The following IL27RA variants were observed in gnomAD, a reference collection of about 807,000 sequenced individuals.
IL27RA encodes interleukin 27 receptor subunit alpha, also known as interleukin-27 receptor subunit alpha.
In IL27RA, 61 loss-of-function variants were observed where a neutral mutation model predicts 80.8. The observed-to-expected ratio is 0.76, with a 90% CI of 0.61 to 0.93. The LOEUF (loss-of-function observed/expected upper bound fraction) is 0.93, where lower values mean the gene tolerates loss of function less well. Ranked by LOEUF, IL27RA falls within the 40% of genes least tolerant of loss-of-function variation. The pLI is 0.00. For missense variants in IL27RA, 735 were observed against 808.1 expected (o/e 0.91, Z 1.10); for synonymous variants, 316 against 332.5 (o/e 0.95, Z 0.54).
At chr19:14,039,240 T>C (rs542839443) in intron 2 of IL27RA, among the ~76,000 whole-genome samples, 1 of 148,420 alleles carries the variant, frequency 6.7e-6, no homozygotes, top group Admixed American at 6.7e-5. Context: ...TAAGCCAAGA[T>C]CACGACATTA....
chr19:14,051,240 C>A (rs1429603647), intron 11 of IL27RA, among the ~76,000 whole-genome samples: 1 of 150,078 alleles, frequency 6.7e-6, no homozygotes, highest in Non-Finnish European at 1.5e-5. Context: ...AAAGCAAGAC[C>A]CTGTCTTTAA....
chr19:14,037,563 C>A (rs757539187), intron 2 of IL27RA, among the ~76,000 whole-genome samples: 1 of 151,462 alleles, frequency 6.6e-6, no homozygotes, highest in Non-Finnish European at 1.5e-5. Context: ...CCCCTTCTTA[C>A]TATTTGTTAA....
chr19:14,039,506 A>G lies in IL27RA; in HGVS notation c.219-2A>G, dbSNP rs1568500218. ...ATCTCATCCCCGCCTCTCTCCTCAC[A>G]GCCGTTCCAACAAAACCCAGACTGT... On this transcript the variant is annotated splice_acceptor_variant, in intron 2 of 13. Transcript: ENST00000263379. LOFTEE classifies it high-confidence loss of function. 1 of 1,611,300 alleles carries G rather than the reference A, an allele frequency of 6.2e-7. No individual in the cohort carries two copies. Among genetic ancestry groups the G allele is most frequent in the Non-Finnish European group, 8.5e-7 (1 of 1,178,376 alleles).
intron 8 of IL27RA, among the ~76,000 whole-genome samples, chr19:14,048,313 G>C (rs1976102206): frequency 6.6e-6 from 1 of 151,940 alleles, no homozygotes. Context: ...AATGAACTTG[G>C]AAGAACTGTG....
Position 14,042,759 on chromosome 19 carries a change from T to C in IL27RA, c.738T>C (p.Pro246=). ...VWVSGNLCGT[P]GGEEPLLLWK... is the part of the protein sequence containing the mutation. ...TATCAGGGAACCTCTGTGGGACGCC[T>C]GGAGGAGAGGAACCTTTGCTTCTAT... The change falls in exon 6 of 14, where the codon CCT becomes CCC. Residue 246 remains proline (P), a synonymous_variant. Transcript: ENST00000263379. 1 of 1,614,164 alleles carries C rather than the reference T, an allele frequency of 6.2e-7. No individual in the cohort carries two copies. Among genetic ancestry groups the C allele is most frequent in the South Asian group, 1.1e-5 (1 of 91,082 alleles).
chr19:14,032,285 C>G, intron 1 of IL27RA, 101 bp from the exon 2 acceptor site: 4 of 894,428 alleles, frequency 4.5e-6, no homozygotes, highest in Non-Finnish European at 5.2e-6. Flanking sequence ...TTTCCCTAAG[C>G]CCCCCCACCT....
intron 2 of IL27RA, among the ~76,000 whole-genome samples, chr19:14,034,814 G>A (rs1474838979): frequency 1.3e-4 from 19 of 151,782 alleles, no homozygotes; most frequent in African/African-American, 4.6e-4. Context: ...TTAGCTGGGC[G>A]TGGTGGCTGG....
chr19:14,044,102 C>T (rs531477162), intron 6 of IL27RA, among the ~76,000 whole-genome samples: 1 of 151,586 alleles, frequency 6.6e-6, no homozygotes, highest in African/African-American at 2.4e-5. Flanking sequence ...GTGCAATTAT[C>T]CTCACTGATT....
At chr19:14,050,434 A>G (rs1205771127) in intron 10 of IL27RA, among the ~76,000 whole-genome samples, 1 of 150,108 alleles carries the variant, frequency 6.7e-6, no homozygotes, top group Non-Finnish European at 1.5e-5. Context: ...CCCAGGAGGC[A>G]GAGGTTGCAG....
At chr19:14,050,616 C>T in intron 10 of IL27RA, 142 bp from the exon 11 acceptor site, 1 of 803,908 alleles carries the variant, frequency 1.2e-6, no homozygotes, top group South Asian at 2.7e-5. Flanking sequence ...AAGAGGTGAC[C>T]TTTGAGCAAA....
At chr19:14,033,698 G>A (rs1975855064) in intron 2 of IL27RA, among the ~76,000 whole-genome samples, 1 of 150,116 alleles carries the variant, frequency 6.7e-6, no homozygotes, top group African/African-American at 2.5e-5. Flanking sequence ...CTGGCGTGGT[G>A]GCTCACGCCT....
intron 3 of IL27RA, 23 bp downstream of exon 3, chr19:14,039,688 G>A (rs1050715522): frequency 4.3e-6 from 7 of 1,611,004 alleles, no homozygotes; most frequent in South Asian, 1.1e-5. Flanking sequence ...GAGGGTGGGC[G>A]CTCTATGCGG....
chr19:14,031,879 G>C lies in IL27RA; in HGVS notation c.7G>C (p.Gly3Arg). Residue 3 changes from glycine (G) to arginine (R), a missense_variant, in exon 1 of 14, where the codon GGA becomes CGA. Gly to Arg is a moderately radical substitution (Grantham distance 125). Transcript: ENST00000263379. MR[G>R]GRGAPFWLWP... ...GGGGCTCCCGAGGGACGCCATGCGG[G>C]GAGGCAGGGGCGCCCCTTTCTGGCT... 1 of 1,597,808 alleles carries C rather than the reference G, an allele frequency of 6.3e-7. No individual in the cohort carries two copies. Among genetic ancestry groups the C allele is most frequent in the African/African-American group, 1.3e-5 (1 of 74,682 alleles).
At chr19:14,046,737 C>A in intron 8 of IL27RA, 119 bp downstream of exon 8, 1 of 982,474 alleles carries the variant, frequency 1.0e-6, no homozygotes, top group Non-Finnish European at 1.5e-6. Context: ...TGGCTCATGC[C>A]TGTAATCTCA....
intron 10 of IL27RA, 80 bp from the exon 11 acceptor site, chr19:14,050,678 G>A (rs1203076340): frequency 5.5e-6 from 8 of 1,460,752 alleles, no homozygotes; most frequent in Non-Finnish European, 6.5e-6. Context: ...AGAGAGTGTT[G>A]CAGACAGCAG....
At chr19:14,034,870 G>A (rs1394812448) in intron 2 of IL27RA, among the ~76,000 whole-genome samples, 1 of 149,352 alleles carries the variant, frequency 6.7e-6, no homozygotes, top group African/African-American at 2.5e-5. Flanking sequence ...GGAGAGTGGC[G>A]TGAACCCAGG....
chr19:14,043,146 A>G (rs566506278), intron 6 of IL27RA, among the ~76,000 whole-genome samples: 74 of 152,088 alleles, frequency 4.9e-4, no homozygotes, highest in African/African-American at 1.7e-3. Context: ...CCGTCTCCAA[A>G]ACAAAAAACA....
At chr19:14,034,616 C>T (rs1397465820) in intron 2 of IL27RA, among the ~76,000 whole-genome samples, 9 of 149,024 alleles carry the variant, frequency 6.0e-5, no homozygotes, top group African/African-American at 1.0e-4. Flanking sequence ...GCCAAGATCG[C>T]GCCACTGTAC....
intron 2 of IL27RA, among the ~76,000 whole-genome samples, chr19:14,039,199 A>G (rs1266372652): frequency 6.6e-6 from 1 of 151,756 alleles, no homozygotes; most frequent in African/African-American, 2.4e-5. Context: ...AGGTGGGAGG[A>G]TCACTTGAAC....
Sources: gnomAD v4.1 joint callset for allele counts (sites outside exome capture counted in the v4.1 genomes callset) on GRCh38, gnomAD v4.1.1 for gene constraint, MANE v1.5 for transcripts, NCBI Gene and HGNC (gene_info 2026-07-23, HGNC 2026-07-21) for gene names.